The following SHISA9 variants were observed in gnomAD, a reference collection of about 807,000 sequenced individuals.
SHISA9 encodes protein shisa-9.
A neutral mutation model predicts 38.0 loss-of-function variants in SHISA9; 13 were observed. That is an observed-to-expected ratio of 0.34 (90% CI 0.22 to 0.54). The LOEUF (loss-of-function observed/expected upper bound fraction) is 0.54. Ranked by LOEUF, SHISA9 falls within the 20% of genes least tolerant of loss-of-function variation. The probability of loss-of-function intolerance (pLI) is 0.91; values close to 1 mark genes in which losing one functional copy is unlikely to be tolerated. For synonymous variants in SHISA9, 275 were observed against 242.0 expected, an observed-to-expected ratio of 1.14 and a Z score of -1.27; for missense variants, 538 against 575.8, an observed-to-expected ratio of 0.93 and a Z score of 0.67.
chr16:13,448,539 G>C, the SHISA9 span, among the ~76,000 whole-genome samples: 890 of 152,326 alleles, frequency 5.8e-3, 1 homozygote, highest in Non-Finnish European at 9.6e-3. Context: ...CTCTTCTGCA[G>C]ACAGTTATAT....
At chr16:13,398,663 A>C in the SHISA9 span, among the ~76,000 whole-genome samples, 1 of 151,912 alleles carries the variant, frequency 6.6e-6, no homozygotes, top group African/African-American at 2.4e-5. Flanking sequence ...AGCACCTGCC[A>C]CCACGTCCGG....
chr16:12,969,915 T>TAAA (rs2072032577), intron 2 of SHISA9, among the ~76,000 whole-genome samples: 2 of 152,016 alleles, frequency 1.3e-5, no homozygotes, highest in Admixed American at 1.3e-4. Flanking sequence ...TAGTAAACTG[T>TAAA]TTAGGGACCA....
chr16:13,445,423 A>T, the SHISA9 span, among the ~76,000 whole-genome samples: 1 of 152,190 alleles, frequency 6.6e-6, no homozygotes, highest in South Asian at 2.1e-4. Flanking sequence ...CCCAATTCCT[A>T]TAATAGTCTT....
chr16:13,175,672 T>G (rs554896929), intron 2 of SHISA9, among the ~76,000 whole-genome samples: 3 of 152,346 alleles, frequency 2.0e-5, no homozygotes, highest in Admixed American at 6.5e-5. Context: ...CTCCAGTATT[T>G]CTCTGCATGG....
chr16:13,327,118 T>C, the SHISA9 span, among the ~76,000 whole-genome samples: 9 of 152,174 alleles, frequency 5.9e-5, no homozygotes, highest in Non-Finnish European at 1.3e-4. Context: ...ACACTGAACA[T>C]GATTACTCTA....
the SHISA9 span, among the ~76,000 whole-genome samples, chr16:13,381,027 C>T: frequency 2.8e-4 from 42 of 152,100 alleles, no homozygotes; most frequent in Middle Eastern, 3.4e-3. Context: ...GCATAGTATT[C>T]CATGGTGTAT....
At chr16:13,464,324 C>T in the SHISA9 span, among the ~76,000 whole-genome samples, 1 of 152,160 alleles carries the variant, frequency 6.6e-6, no homozygotes, top group Non-Finnish European at 1.5e-5. Flanking sequence ...TTGGTCGATG[C>T]CACCATTCTT....
At chr16:13,499,598 C>G in the SHISA9 span, among the ~76,000 whole-genome samples, 1 of 151,856 alleles carries the variant, frequency 6.6e-6, no homozygotes, top group South Asian at 2.1e-4. Context: ...TATATAAATT[C>G]TCTATAATAT....
the SHISA9 span, among the ~76,000 whole-genome samples, chr16:13,438,519 TAAAG>T: frequency 2.0e-5 from 3 of 152,236 alleles, no homozygotes; most frequent in East Asian, 1.9e-4. Context: ...GCTACAAAAA[TAAAG>T]AAAAGGAGAG....
At chr16:12,955,228 C>G (rs1720384974) in intron 2 of SHISA9, among the ~76,000 whole-genome samples, 1 of 152,140 alleles carries the variant, frequency 6.6e-6, no homozygotes, top group South Asian at 2.1e-4. Flanking sequence ...CACCAATTCC[C>G]AGACACAAGT....
the SHISA9 span, among the ~76,000 whole-genome samples, chr16:13,463,864 G>T: frequency 1.3e-5 from 2 of 152,218 alleles, no homozygotes; most frequent in African/African-American, 4.8e-5. Context: ...CCTGCCGTTG[G>T]CTCCCTGGAA....
intron 2 of SHISA9, among the ~76,000 whole-genome samples, chr16:13,169,743 G>A (rs928548108): frequency 6.6e-6 from 1 of 152,130 alleles, no homozygotes; most frequent in East Asian, 1.9e-4. Context: ...TAGCCTTCCC[G>A]AAAGCTAATG....
intron 2 of SHISA9, among the ~76,000 whole-genome samples, chr16:12,974,479 G>GGTTTTTTTTTTTTTTTTT (rs2072128213): frequency 1.1e-5 from 1 of 91,766 alleles, no homozygotes; most frequent in African/African-American, 4.3e-5. Flanking sequence ...ATTTCTGGTG[G>GGTTTTTTTTTTTTTTTTT]TTTTTTTTTT....
chr16:13,152,842 A>T (rs1444565608), intron 2 of SHISA9, among the ~76,000 whole-genome samples: 1 of 152,246 alleles, frequency 6.6e-6, no homozygotes, highest in Non-Finnish European at 1.5e-5. Context: ...GTTAGGTTAC[A>T]TGGCAAGAGA....
the SHISA9 span, among the ~76,000 whole-genome samples, chr16:13,490,560 G>T: frequency 6.6e-6 from 1 of 152,194 alleles, no homozygotes; most frequent in Non-Finnish European, 1.5e-5. Context: ...GCAAGAGCCT[G>T]TCTCAAACAT....
chr16:13,308,461 T>A, the SHISA9 span, among the ~76,000 whole-genome samples: 1 of 152,142 alleles, frequency 6.6e-6, no homozygotes, highest in African/African-American at 2.4e-5. Context: ...GGTAGATTAT[T>A]TAGGCAGGAA....
the SHISA9 span, among the ~76,000 whole-genome samples, chr16:13,258,588 C>T: frequency 3.3e-5 from 5 of 152,086 alleles, no homozygotes; most frequent in Admixed American, 6.6e-5. Flanking sequence ...AAGTCATACC[C>T]GAAACTGGGA....
chr16:13,100,861 C>G (rs1192558819), intron 2 of SHISA9, among the ~76,000 whole-genome samples: 1 of 152,138 alleles, frequency 6.6e-6, no homozygotes, highest in Non-Finnish European at 1.5e-5. Flanking sequence ...GCATGAGCCA[C>G]CACGCCTGGC....
At chr16:13,466,013 A>T in the SHISA9 span, among the ~76,000 whole-genome samples, 164 of 152,348 alleles carry the variant, frequency 1.1e-3, no homozygotes, top group African/African-American at 3.8e-3. Context: ...AGTTTGTGTG[A>T]TGGCTAATTT....
Sources: allele counts gnomAD v4.1 joint callset (sites outside exome capture counted in the v4.1 genomes callset), GRCh38; gene constraint gnomAD v4.1.1; transcripts MANE v1.5; gene names NCBI Gene and HGNC (gene_info 2026-07-23, HGNC 2026-07-21).